Variants in ATP13A4 observed in about 807,000 individuals in gnomAD.
The protein encoded by ATP13A4 is probable cation-transporting ATPase 13A4.
In ATP13A4, 114 loss-of-function variants were observed where a neutral mutation model predicts 142.5. That is an observed-to-expected ratio of 0.80 (90% confidence interval 0.69 to 0.93). The LOEUF (loss-of-function observed/expected upper bound fraction) is 0.93, where lower values mean the gene tolerates loss of function less well. Ranked by LOEUF, ATP13A4 falls within the 40% of genes least tolerant of loss-of-function variation. The pLI is 0.00. For synonymous variants in ATP13A4, 488 were observed against 514.8 expected (o/e 0.95, Z 0.70); for missense variants, 1,392 against 1,454.0 (o/e 0.96, Z 0.69).
At chr3:193,495,051 T>C (rs925956595) in intron 3 of ATP13A4, among the ~76,000 whole-genome samples, 6 of 151,978 alleles carry the variant, frequency 3.9e-5, no homozygotes, top group Non-Finnish European at 8.8e-5. Flanking sequence ...GATTGAATCA[T>C]GAAGAAATAC....
At chr3:193,410,933 A>G (rs759222079) in intron 28 of ATP13A4, 49 bp downstream of exon 28, 4 of 1,188,206 alleles carry the variant, frequency 3.4e-6, no homozygotes, top group Non-Finnish European at 5.0e-6. Context: ...TTAAAGTTAA[A>G]CTGTTACATA....
intron 13 of ATP13A4, among the ~76,000 whole-genome samples, chr3:193,460,476 A>G (rs141702125): frequency 6.6e-6 from 1 of 152,300 alleles, no homozygotes; most frequent in East Asian, 1.9e-4. Context: ...CTTTTGTCAC[A>G]CTAAGAGTTC....
chr3:193,413,495 T>G (rs951900377), intron 26 of ATP13A4, among the ~76,000 whole-genome samples: 9 of 152,214 alleles, frequency 5.9e-5, no homozygotes, highest in African/African-American at 2.2e-4. Flanking sequence ...TTTTTCTTCT[T>G]GCAGAGAGCC....
intron 1 of ATP13A4, among the ~76,000 whole-genome samples, chr3:193,525,720 C>T (rs1362885284): frequency 2.0e-5 from 3 of 152,212 alleles, no homozygotes; most frequent in Admixed American, 1.3e-4. Context: ...CATCACCCCA[C>T]ACCAATGCAC....
chr3:193,481,232 T>C lies in ATP13A4; in HGVS notation c.808+2704A>G, dbSNP rs186864551. 3.5e-3 allele frequency among the ~76,000 whole-genome samples: 532 copies of C among 152,270 alleles called. 1 individual carries two copies. Among genetic ancestry groups the C allele is most frequent in the Middle Eastern group, 6.8e-3 (2 of 294 alleles). The stretch of plus-strand genomic sequence containing the variant: ...TCAGAAATCACCACGAAAGAACTTA[T>C]TCATATACCAAAATAAATAAATAAT... On this transcript the variant is annotated intron_variant, in intron 8 of 29. Transcript: ENST00000342695.
At chr3:193,500,739 G>A (rs2090639554) in intron 3 of ATP13A4, among the ~76,000 whole-genome samples, 1 of 152,138 alleles carries the variant, frequency 6.6e-6, no homozygotes, top group South Asian at 2.1e-4. Context: ...CGGTGGCCTG[G>A]GGATTGGGGA....
intron 2 of ATP13A4, among the ~76,000 whole-genome samples, chr3:193,512,582 T>C (rs1367373065): frequency 6.6e-6 from 1 of 152,210 alleles, no homozygotes; most frequent in Non-Finnish European, 1.5e-5. Context: ...TTAGCATCAC[T>C]TGAGAACCTG....
At chr3:193,414,383 TAATG>T (rs1714940724) in intron 26 of ATP13A4, among the ~76,000 whole-genome samples, 192 bp downstream of exon 26, 2 of 152,162 alleles carry the variant, frequency 1.3e-5, no homozygotes. Flanking sequence ...AGATAAGTGC[TAATG>T]AATGAATGAT....
chr3:193,415,041 A>G (rs545127018), intron 25 of ATP13A4, among the ~76,000 whole-genome samples: 15 of 152,366 alleles, frequency 9.8e-5, no homozygotes, highest in Admixed American at 7.2e-4. Context: ...TGCTTGTGGG[A>G]AAATAAATTG....
At position 193,441,531 on chromosome 3, in the gene ATP13A4, G is replaced by A; in HGVS notation, c.2374C>T (p.His792Tyr). 1 of 1,613,282 alleles carries A rather than the reference G, an allele frequency of 6.2e-7. No homozygotes were observed. Among genetic ancestry groups the A allele is most frequent in the South Asian group, 1.1e-5 (1 of 91,074 alleles). ...AAGGATTTTCCAGTTAGGGCAAAAT[G>A]GTAACTTCCTTCTCTGCCTTTATCA... ...VSDKGREGSY[H>Y]FALTGKSFHV... The change falls in exon 20 of 30, where the codon CAT (histidine) becomes TAT (tyrosine). Residue 792 changes from histidine (H) to tyrosine (Y), a missense_variant. His to Tyr is a moderately conservative substitution (Grantham distance 83, BLOSUM62 2). Coordinates refer to ENST00000342695, the MANE Select transcript of ATP13A4 (RefSeq NM_032279.4).
At chr3:193,574,560 AAC>A (rs987010142) in intron 2 of ATP13A4, among the ~76,000 whole-genome samples, 4 of 128,756 alleles carry the variant, frequency 3.1e-5, no homozygotes, top group African/African-American at 1.3e-4. Context: ...CTGTAATAAA[AAC>A]ACAAAAATCA....
At chr3:193,468,486 C>T (rs1296524475) in intron 9 of ATP13A4, among the ~76,000 whole-genome samples, 4 of 152,102 alleles carry the variant, frequency 2.6e-5, no homozygotes, top group Middle Eastern at 3.2e-3. Context: ...TAGTGGCTCA[C>T]GCCTTTAATC....
At chr3:193,459,273 T>C in intron 13 of ATP13A4, 42 bp from the exon 14 acceptor site, 1 of 1,612,748 alleles carries the variant, frequency 6.2e-7, no homozygotes, top group Non-Finnish European at 8.5e-7. Flanking sequence ...CATCGCCTCA[T>C]GCCAAAACAG....
At position 193,478,918 on chromosome 3, in the gene ATP13A4, C is replaced by G. The variant is rs190025742; in HGVS notation, c.808+5018G>C. ...AGCAGCATATCAAAAAGATAATCCACCATGATCAAGTGGGTTTCATACCAA... is the reference window on the plus strand; with the variant it reads ...AGCAGCATATCAAAAAGATAATCCAGCATGATCAAGTGGGTTTCATACCAA... On this transcript the variant is annotated intron_variant, in intron 8 of 29. Transcript: ENST00000342695. 3.3e-5 allele frequency among the ~76,000 whole-genome samples: 5 copies of G among 152,210 alleles called. No homozygotes were observed. In the South Asian group the frequency reaches 1.0e-3, roughly 32 times the overall value.
intron 1 of ATP13A4, among the ~76,000 whole-genome samples, chr3:193,545,663 G>T (rs985942440): frequency 6.6e-6 from 1 of 152,100 alleles, no homozygotes; most frequent in African/African-American, 2.4e-5. Context: ...TGGATCCATC[G>T]GCAAATGACT....
intron 8 of ATP13A4, 128 bp from the exon 9 acceptor site, chr3:193,471,121 C>T: frequency 3.3e-6 from 4 of 1,227,470 alleles, no homozygotes; most frequent in Non-Finnish European, 4.7e-6. Context: ...GAGAACATTC[C>T]TCAACATTGA....
Position 193,441,524 on chromosome 3 carries a change from G to A in ATP13A4, c.2381C>T (p.Ala794Val). Reference protein sequence around the residue: ...DKGREGSYHFALTGKSFHVIS... With the variant: ...DKGREGSYHFVLTGKSFHVIS... The stretch of plus-strand genomic sequence containing the variant: ...AACATGAAAGGATTTTCCAGTTAGG[G>A]CAAAATGGTAACTTCCTTCTCTGCC... Residue 794 changes from alanine (A) to valine (V), a missense_variant, in exon 20 of 30, where the codon GCC (alanine) becomes GTC (valine). Ala to Val is a moderately conservative substitution (Grantham distance 64, BLOSUM62 0). Coordinates refer to ENST00000342695, the MANE Select transcript of ATP13A4 (RefSeq NM_032279.4). 6.2e-7 allele frequency: 1 copy of A among 1,613,470 alleles called. No individual in the cohort carries two copies. Among genetic ancestry groups the A allele is most frequent in the South Asian group, 1.1e-5 (1 of 91,064 alleles).
At chr3:193,545,500 G>T (rs1723167501) in intron 1 of ATP13A4, among the ~76,000 whole-genome samples, 1 of 152,194 alleles carries the variant, frequency 6.6e-6, no homozygotes, top group Non-Finnish European at 1.5e-5. Context: ...ATTCTGAGCT[G>T]CCTTTCAACT....
At chr3:193,521,200 A>T (rs556583319) in intron 1 of ATP13A4, among the ~76,000 whole-genome samples, 1 of 152,236 alleles carries the variant, frequency 6.6e-6, no homozygotes, top group Non-Finnish European at 1.5e-5. Flanking sequence ...GAGCTGACAG[A>T]AGAGATGATG....
Sources: gnomAD v4.1 joint callset for allele counts (sites outside exome capture counted in the v4.1 genomes callset) on GRCh38, gnomAD v4.1.1 for gene constraint, MANE v1.5 for transcripts, NCBI Gene and HGNC (gene_info 2026-07-23, HGNC 2026-07-21) for gene names.